Variants in SCD5 observed in about 807,000 individuals in gnomAD.
The protein encoded by SCD5 is stearoyl-CoA desaturase 5.
A neutral mutation model predicts 30.4 loss-of-function variants in SCD5; 20 were observed. The observed-to-expected ratio is 0.66, with a 90% CI of 0.46 to 0.96. The LOEUF is 0.96. Ranked by LOEUF, SCD5 falls within the 40% of genes least tolerant of loss-of-function variation. The probability of loss-of-function intolerance (pLI) is 0.00; values close to 1 mark genes in which losing one functional copy is unlikely to be tolerated. For missense variants in SCD5, 381 were observed against 443.3 expected (o/e 0.86, Z 1.26); for synonymous variants, 173 against 176.4 (o/e 0.98, Z 0.16).
intron 1 of SCD5, among the ~76,000 whole-genome samples, chr4:82,713,033 C>T (rs534768136): frequency 2.6e-5 from 4 of 152,262 alleles, no homozygotes; most frequent in East Asian, 3.9e-4. Flanking sequence ...TTACAATAAC[C>T]GGCAGCTCCT....
intron 2 of SCD5, among the ~76,000 whole-genome samples, chr4:82,690,635 T>C (rs1220830318): frequency 2.0e-5 from 3 of 152,350 alleles, no homozygotes; most frequent in East Asian, 1.9e-4. Context: ...TTTCCATTCA[T>C]ACTCCCCAAA....
At chr4:82,757,040 T>A (rs1016399736) in intron 1 of SCD5, among the ~76,000 whole-genome samples, 1 of 152,002 alleles carries the variant, frequency 6.6e-6, no homozygotes, top group Non-Finnish European at 1.5e-5. Context: ...CCCACTCCCA[T>A]TCTCAAAACC....
intron 2 of SCD5, among the ~76,000 whole-genome samples, chr4:82,695,906 T>G (rs1442958199): frequency 6.6e-6 from 1 of 152,198 alleles, no homozygotes; most frequent in Admixed American, 6.5e-5. Context: ...GCCCTAAAAG[T>G]CAGTGTGACA....
At chr4:82,731,167 G>C (rs1720636493) in intron 1 of SCD5, among the ~76,000 whole-genome samples, 1 of 152,226 alleles carries the variant, frequency 6.6e-6, no homozygotes, top group Admixed American at 6.5e-5. Flanking sequence ...GGTAGGGGCA[G>C]AGAGGATACA....
chr4:82,743,386 C>T (rs1475305632), intron 1 of SCD5, among the ~76,000 whole-genome samples: 1 of 152,086 alleles, frequency 6.6e-6, no homozygotes, highest in Non-Finnish European at 1.5e-5. Flanking sequence ...TATAGTGGCT[C>T]ATACCTGTAG....
At chr4:82,784,194 A>G (rs1302850972) in intron 1 of SCD5, among the ~76,000 whole-genome samples, 1 of 152,210 alleles carries the variant, frequency 6.6e-6, no homozygotes, top group African/African-American at 2.4e-5. Context: ...CCCCAGGTGC[A>G]TGTGAGGCAG....
chr4:82,654,393 C>G (rs868473572), intron 3 of SCD5, among the ~76,000 whole-genome samples: 1 of 152,166 alleles, frequency 6.6e-6, no homozygotes, highest in African/African-American at 2.4e-5. Flanking sequence ...ACTGGGAATT[C>G]ATCCCTTTTA....
chr4:82,658,033 A>T (rs976833200), intron 3 of SCD5, among the ~76,000 whole-genome samples: 25 of 152,224 alleles, frequency 1.6e-4, no homozygotes, highest in African/African-American at 6.0e-4. Context: ...CAATCATGTC[A>T]TCTGCAAACA....
At chr4:82,727,043 T>C (rs920075235) in intron 1 of SCD5, among the ~76,000 whole-genome samples, 8 of 152,152 alleles carry the variant, frequency 5.3e-5, no homozygotes, top group African/African-American at 1.9e-4. Context: ...CAGGATAATA[T>C]AGAGGTGTGC....
intron 4 of SCD5, among the ~76,000 whole-genome samples, chr4:82,632,849 T>C (rs938401093): frequency 1.2e-4 from 18 of 152,212 alleles, no homozygotes. Flanking sequence ...TAAATTTCTT[T>C]TACTTATTTT....
chr4:82,678,201 A>G (rs1177561843), intron 3 of SCD5, among the ~76,000 whole-genome samples: 2 of 152,114 alleles, frequency 1.3e-5, no homozygotes, highest in Non-Finnish European at 2.9e-5. Flanking sequence ...ATATGAATGA[A>G]TGGTTTCTGA....
intron 2 of SCD5, among the ~76,000 whole-genome samples, chr4:82,695,168 T>C (rs1169001571): frequency 6.6e-6 from 1 of 152,044 alleles, no homozygotes; most frequent in Admixed American, 6.5e-5. Flanking sequence ...AGAGGACTGG[T>C]GTGCAAGGCC....
chr4:82,727,117 G>C (rs1720518784), intron 1 of SCD5, among the ~76,000 whole-genome samples: 1 of 152,132 alleles, frequency 6.6e-6, no homozygotes, highest in African/African-American at 2.4e-5. Context: ...GTAAGGAGAG[G>C]TTTCCCCATC....
At chr4:82,789,147 CAG>C (rs769288728) in intron 1 of SCD5, among the ~76,000 whole-genome samples, 2 of 152,164 alleles carry the variant, frequency 1.3e-5, no homozygotes, top group Non-Finnish European at 2.9e-5. Context: ...GGGCCATGCA[CAG>C]AGTCTCCTTG....
Position 82,630,385 on chromosome 4 carries a change from G to A in SCD5, c.*942C>T, listed in dbSNP as rs1343805664. 6.6e-6 allele frequency: 1 copy of A among 152,048 alleles called. No individual in the cohort carries two copies. Among genetic ancestry groups the A allele is most frequent in the African/African-American group, 2.4e-5 (1 of 41,378 alleles). 9.4% of individuals were successfully genotyped at this position (152,048 alleles called of 1,614,324 possible). On this transcript the variant is annotated 3_prime_UTR_variant, in exon 5 of 5. Transcript: ENST00000319540. Reference sequence around the variant, plus strand: ...CACACACACAATAATTAACAAAACAGAAACATTCTTTAGTTACCACATAGA... The same window carrying A: ...CACACACACAATAATTAACAAAACAAAAACATTCTTTAGTTACCACATAGA...
At chr4:82,670,464 A>G (rs1728286531) in intron 3 of SCD5, among the ~76,000 whole-genome samples, 1 of 152,222 alleles carries the variant, frequency 6.6e-6, no homozygotes, top group Non-Finnish European at 1.5e-5. Context: ...TTCCAAAACT[A>G]AAAATCAATG....
chr4:82,714,999 G>A (rs1210932670), intron 1 of SCD5, among the ~76,000 whole-genome samples: 2 of 151,662 alleles, frequency 1.3e-5, no homozygotes, highest in Non-Finnish European at 1.5e-5. Flanking sequence ...CACTTTGGGA[G>A]GCTGAGGCAG....
chr4:82,697,908 A>G (rs1421954233), intron 2 of SCD5: 4 of 435,048 alleles, frequency 9.2e-6, no homozygotes, highest in African/African-American at 2.0e-5. Context: ...CACTGCTTAG[A>G]GACGACCAAG....
At chr4:82,635,051 A>T (rs1483354344) in intron 4 of SCD5, among the ~76,000 whole-genome samples, 1 of 152,174 alleles carries the variant, frequency 6.6e-6, no homozygotes, top group Non-Finnish European at 1.5e-5. Flanking sequence ...GCAGAATCTC[A>T]TCACTGAGTG....
Sources: gnomAD v4.1 joint callset for allele counts (sites outside exome capture counted in the v4.1 genomes callset) on GRCh38, gnomAD v4.1.1 for gene constraint, MANE v1.5 for transcripts, NCBI Gene and HGNC (gene_info 2026-07-23, HGNC 2026-07-21) for gene names.